The following SH3GL3 variants were observed in gnomAD, a reference collection of about 807,000 sequenced individuals.
SH3GL3 encodes the protein endophilin-A3.
In SH3GL3, 33 loss-of-function variants were observed where a neutral mutation model predicts 47.7. The ratio of observed to expected loss-of-function variants is 0.69; its 90% CI spans 0.52 to 0.92. SH3GL3 has a LOEUF of 0.92. SH3GL3 is among the 40% of genes least tolerant of loss of function. The probability of loss-of-function intolerance (pLI) is 0.00; values close to 1 mark genes in which losing one functional copy is unlikely to be tolerated. For missense variants in SH3GL3, 363 were observed against 417.8 expected (o/e 0.87, Z 1.14); for synonymous variants, 155 against 148.8 (o/e 1.04, Z -0.30).
At chr15:83,607,664 AT>A (rs2060554201) in intron 8 of SH3GL3, among the ~76,000 whole-genome samples, 1 of 152,100 alleles carries the variant, frequency 6.6e-6, no homozygotes, top group South Asian at 2.1e-4. Context: ...CAGAAACCCT[AT>A]GTTTATGTGA....
chr15:83,521,686 A>G (rs767412665), intron 1 of SH3GL3, among the ~76,000 whole-genome samples: 2 of 152,188 alleles, frequency 1.3e-5, no homozygotes, highest in Non-Finnish European at 2.9e-5. Flanking sequence ...ACAATAGGCA[A>G]ATAACCAGCA....
downstream of SH3GL3, among the ~76,000 whole-genome samples, chr15:83,621,869 G>A (rs1196394177): frequency 6.6e-6 from 1 of 152,124 alleles, no homozygotes; most frequent in Non-Finnish European, 1.5e-5. Flanking sequence ...ACAAATGCCC[G>A]GAAGCCAGAC....
downstream of SH3GL3, among the ~76,000 whole-genome samples, chr15:83,619,627 A>G (rs2060905046): frequency 6.6e-6 from 1 of 152,164 alleles, no homozygotes; most frequent in African/African-American, 2.4e-5. Context: ...CATATGTCTT[A>G]AAAAAACAAA....
In SH3GL3 at chr15:83,448,086, C is replaced by T. The variant is rs1249827050; in HGVS notation, c.45+508C>T. The stretch of plus-strand genomic sequence containing the variant: ...CTCCCCGCGCGCGCATCGAAATGGC[C>T]CCGTCTGGACTGTGCCCGGCTCCCC... On this transcript the variant is annotated intron_variant, in intron 1 of 8. Transcript: ENST00000427482. The surrounding 1 kb of genome is among the most constrained non-coding windows in gnomAD (Gnocchi z 4.2). Among the ~76,000 whole-genome samples the T allele has an allele frequency of 6.6e-6, 1 of 152,146 alleles. No homozygotes were observed. The highest frequency in any genetic ancestry group is 1.5e-5 in the Non-Finnish European group (1 of 68,024).
intron 1 of SH3GL3, among the ~76,000 whole-genome samples, chr15:83,494,616 C>T (rs1349096085): frequency 1.3e-5 from 2 of 151,092 alleles, no homozygotes; most frequent in East Asian, 3.9e-4. Flanking sequence ...CATCTTGGCT[C>T]ACTGCAACCT....
At chr15:83,458,261 A>C (rs1228227360) in intron 1 of SH3GL3, among the ~76,000 whole-genome samples, 3 of 152,192 alleles carry the variant, frequency 2.0e-5, no homozygotes, top group Non-Finnish European at 4.4e-5. Context: ...TCAGGGAGGC[A>C]TTGTTTCCAG....
chr15:83,511,306 G>A (rs1275795458), intron 1 of SH3GL3, among the ~76,000 whole-genome samples: 1 of 152,152 alleles, frequency 6.6e-6, no homozygotes, highest in Non-Finnish European at 1.5e-5. Flanking sequence ...GGCTGGCAGA[G>A]TGCCTGGTGT....
At chr15:83,533,542 C>T (rs1367772032) in intron 1 of SH3GL3, among the ~76,000 whole-genome samples, 1 of 152,154 alleles carries the variant, frequency 6.6e-6, no homozygotes, top group Admixed American at 6.5e-5. Flanking sequence ...AATCATATAA[C>T]AGTTTCTGTT....
At chr15:83,463,763 C>CTTTT (rs1327885855) in intron 1 of SH3GL3, among the ~76,000 whole-genome samples, 2 of 125,396 alleles carry the variant, frequency 1.6e-5, no homozygotes, top group African/African-American at 6.4e-5. Flanking sequence ...TGCTTTCTTT[C>CTTTT]TTTCTTTTTT....
intron 1 of SH3GL3, among the ~76,000 whole-genome samples, chr15:83,482,097 G>A (rs559766266): frequency 6.6e-6 from 1 of 152,060 alleles, no homozygotes; most frequent in Non-Finnish European, 1.5e-5. Flanking sequence ...TTGCTCTTGT[G>A]ATCTATTAAA....
intron 6 of SH3GL3, among the ~76,000 whole-genome samples, chr15:83,586,428 A>G (rs530912384): frequency 1.3e-5 from 2 of 152,306 alleles, no homozygotes; most frequent in Middle Eastern, 6.8e-3. Context: ...TTCAGGGAAA[A>G]TATGTTGAGT....
chr15:83,509,260 C>G (rs900816236), intron 1 of SH3GL3, among the ~76,000 whole-genome samples: 3 of 152,222 alleles, frequency 2.0e-5, no homozygotes, highest in Admixed American at 6.5e-5. Flanking sequence ...TGCCCTGCCT[C>G]ATCTCACGGA....
chr15:83,618,985 T>C (rs1048867766), downstream of SH3GL3, among the ~76,000 whole-genome samples: 4 of 152,214 alleles, frequency 2.6e-5, no homozygotes, highest in Non-Finnish European at 5.9e-5. Flanking sequence ...AAGCTTCTGC[T>C]GCTGCCATAT....
At chr15:83,505,523 C>CTTTT (rs35112953) in intron 1 of SH3GL3, among the ~76,000 whole-genome samples, 5 of 92,030 alleles carry the variant, frequency 5.4e-5, no homozygotes, top group Non-Finnish European at 8.3e-5. Context: ...CTTGAATTTC[C>CTTTT]TTTTTTTTTT....
chr15:83,627,298 G>A, the SH3GL3 span, among the ~76,000 whole-genome samples: 2 of 151,750 alleles, frequency 1.3e-5, no homozygotes, highest in Non-Finnish European at 1.5e-5. Context: ...TGGGGAGGCT[G>A]AGGCCGGAGA....
rs542393849 is a variant in SH3GL3 at position 83,511,399 on chromosome 15, A to G, written c.46-47854A>G. ...GCTGGTTCTTAACAAAATGAGAAAAAATAAGAACAAATAAGGAAAAAAAGT... is the reference window on the plus strand; with the variant it reads ...GCTGGTTCTTAACAAAATGAGAAAAGATAAGAACAAATAAGGAAAAAAAGT... On this transcript the variant is annotated intron_variant, in intron 1 of 8. Coordinates refer to ENST00000427482, the MANE Select transcript of SH3GL3 (RefSeq NM_003027.5). Among the ~76,000 whole-genome samples, 7 of 152,338 alleles carry G rather than the reference A, an allele frequency of 4.6e-5. No homozygotes were observed. In the South Asian group the frequency reaches 1.5e-3, roughly 32 times the overall value.
chr15:83,610,877 G>T (rs1477589581), intron 8 of SH3GL3, among the ~76,000 whole-genome samples: 1 of 152,002 alleles, frequency 6.6e-6, no homozygotes, highest in African/African-American at 2.4e-5. Flanking sequence ...GCTGAGTAGG[G>T]CTGAGGAATT....
chr15:83,578,620 G>T (rs2059748295), intron 6 of SH3GL3, among the ~76,000 whole-genome samples: 1 of 151,422 alleles, frequency 6.6e-6, no homozygotes. Context: ...AAACCACTGA[G>T]GCCTGAAAAG....
chr15:83,531,984 C>T (rs2043695996), intron 1 of SH3GL3, among the ~76,000 whole-genome samples: 1 of 152,124 alleles, frequency 6.6e-6, no homozygotes, highest in East Asian at 1.9e-4. Flanking sequence ...TTTCTGAAAA[C>T]TTCAGCATGT....
Sources: gnomAD v4.1 joint callset for allele counts (sites outside exome capture counted in the v4.1 genomes callset) on GRCh38, gnomAD v4.1.1 for gene constraint, Gnocchi (gnomAD v3.1) non-coding constraint, MANE v1.5 for transcripts, NCBI Gene and HGNC (gene_info 2026-07-23, HGNC 2026-07-21) for gene names.